CPNE4: variants seen among roughly 807,000 people sequenced by gnomAD.
The protein encoded by CPNE4 is copine 4, also known as copine-4.
CPNE4 carries 25 observed loss-of-function variants against 67.9 expected under a neutral mutation model. The ratio of observed to expected loss-of-function variants is 0.37; its 90% confidence interval spans 0.27 to 0.51. CPNE4 has a LOEUF of 0.51. CPNE4 is among the 20% of genes least tolerant of loss of function. The pLI, the probability that CPNE4 is intolerant of heterozygous loss-of-function variation, is 0.93. For synonymous variants in CPNE4, 242 were observed against 244.9 expected, an observed-to-expected ratio of 0.99 and a Z score of 0.11; for missense variants, 464 against 690.8, an observed-to-expected ratio of 0.67 and a Z score of 3.68.
At chr3:131,709,860 C>T (rs1160320403) in intron 3 of CPNE4, among the ~76,000 whole-genome samples, 1 of 152,226 alleles carries the variant, frequency 6.6e-6, no homozygotes, top group African/African-American at 2.4e-5. Flanking sequence ...TTACATGGCT[C>T]ATGCCCACAC....
intron 2 of CPNE4, among the ~76,000 whole-genome samples, chr3:131,825,450 T>C (rs113237342): frequency 0.032 from 4,722 of 149,494 alleles, 171 homozygotes; most frequent in South Asian, 0.094. Flanking sequence ...GCTGATATCA[T>C]GCCGCTGCAC....
intron 6 of CPNE4, among the ~76,000 whole-genome samples, chr3:131,673,267 T>C (rs2080471063): frequency 6.6e-6 from 1 of 152,090 alleles, no homozygotes; most frequent in African/African-American, 2.4e-5. Context: ...TCAGGTAATG[T>C]GATTCCTCCA....
At chr3:131,976,531 C>A (rs912869885) in intron 1 of CPNE4, among the ~76,000 whole-genome samples, 2 of 152,078 alleles carry the variant, frequency 1.3e-5, no homozygotes, top group Non-Finnish European at 1.5e-5. Flanking sequence ...AGAAAACAAG[C>A]CTTCTCCTGG....
chr3:131,695,115 C>T (rs2081120670), intron 5 of CPNE4, among the ~76,000 whole-genome samples: 1 of 152,200 alleles, frequency 6.6e-6, no homozygotes. Flanking sequence ...TGCCCTCTTT[C>T]CATCTGAGAC....
chr3:131,882,721 C>CTTTT (rs1170426872), intron 2 of CPNE4, among the ~76,000 whole-genome samples: 1 of 113,564 alleles, frequency 8.8e-6, no homozygotes. Flanking sequence ...CAGTTCTGCT[C>CTTTT]TATTTTTTTT....
intron 1 of CPNE4, among the ~76,000 whole-genome samples, chr3:131,957,584 G>A (rs1341791539): frequency 6.6e-6 from 1 of 152,156 alleles, no homozygotes; most frequent in East Asian, 1.9e-4. Context: ...ATTCCACAAT[G>A]GCAAAACAAT....
At chr3:131,548,007 A>G (rs1251340296) in intron 14 of CPNE4, among the ~76,000 whole-genome samples, 1 of 152,084 alleles carries the variant, frequency 6.6e-6, no homozygotes, top group Non-Finnish European at 1.5e-5. Flanking sequence ...TCACTCAATG[A>G]CCCAAGCCCG....
At chr3:131,731,856 A>G (rs1021629964) in intron 2 of CPNE4, among the ~76,000 whole-genome samples, 4 of 152,200 alleles carry the variant, frequency 2.6e-5, no homozygotes, top group African/African-American at 9.7e-5. Flanking sequence ...ATACACACAC[A>G]TTTAATTGGC....
intron 1 of CPNE4, among the ~76,000 whole-genome samples, chr3:132,012,935 T>C (rs974385225): frequency 6.6e-6 from 1 of 152,104 alleles, no homozygotes; most frequent in Non-Finnish European, 1.5e-5. Flanking sequence ...AGAATTCATG[T>C]ATCTTGGCTG....
At chr3:131,901,821 C>A (rs2088563514) in intron 2 of CPNE4, among the ~76,000 whole-genome samples, 3 of 151,676 alleles carry the variant, frequency 2.0e-5, no homozygotes, top group Non-Finnish European at 2.9e-5. Context: ...AGGAGAGAAC[C>A]CTTAATTTGA....
chr3:131,942,605 T>A (rs1203969302), intron 1 of CPNE4, among the ~76,000 whole-genome samples: 1 of 152,024 alleles, frequency 6.6e-6, no homozygotes, highest in Non-Finnish European at 1.5e-5. Context: ...GCAGCTCTTA[T>A]CTTTCACCTT....
chr3:131,774,269 C>T (rs913515069), intron 2 of CPNE4, among the ~76,000 whole-genome samples: 3 of 150,180 alleles, frequency 2.0e-5, no homozygotes, highest in Admixed American at 6.7e-5. Flanking sequence ...TAGTTCCAGC[C>T]AAAAATACAG....
chr3:131,887,674 G>C (rs566761746), intron 2 of CPNE4, among the ~76,000 whole-genome samples: 1 of 152,108 alleles, frequency 6.6e-6, no homozygotes, highest in African/African-American at 2.4e-5. Context: ...AATGTTCAGG[G>C]TAGAAAGTCC....
At chr3:131,715,373 C>T (rs1454415184) in intron 3 of CPNE4, among the ~76,000 whole-genome samples, 1 of 152,216 alleles carries the variant, frequency 6.6e-6, no homozygotes, top group South Asian at 2.1e-4. Context: ...CAAAAACTAG[C>T]CAGGTCAACT....
At chr3:131,900,001 C>T (rs2107762847) in intron 2 of CPNE4, among the ~76,000 whole-genome samples, 1 of 152,118 alleles carries the variant, frequency 6.6e-6, no homozygotes, top group Non-Finnish European at 1.5e-5. Flanking sequence ...CCCTTCTGTG[C>T]TGCTAACAGG....
At chr3:131,719,076 G>A (rs1432040288) in intron 3 of CPNE4, among the ~76,000 whole-genome samples, 1 of 152,220 alleles carries the variant, frequency 6.6e-6, no homozygotes, top group African/African-American at 2.4e-5. Flanking sequence ...GATATCCAGA[G>A]AGGCCAGCAT....
chr3:131,925,352 T>C (rs1365610443), intron 1 of CPNE4, among the ~76,000 whole-genome samples: 1 of 152,114 alleles, frequency 6.6e-6, no homozygotes, highest in African/African-American at 2.4e-5. Flanking sequence ...CTCAATGCTC[T>C]CCTAACACCC....
chr3:131,771,764 T>C (rs542155496), intron 2 of CPNE4, among the ~76,000 whole-genome samples: 178 of 152,282 alleles, frequency 1.2e-3, no homozygotes, highest in Non-Finnish European at 1.8e-3. Flanking sequence ...GAAATTTGGA[T>C]GCAGAATCCA....
At chr3:131,947,568 A>G (rs955641788) in intron 1 of CPNE4, among the ~76,000 whole-genome samples, 3 of 152,134 alleles carry the variant, frequency 2.0e-5, no homozygotes, top group Admixed American at 1.3e-4. Context: ...ACATGAACTC[A>G]TTATTTTTTA....
Sources: gnomAD v4.1 joint callset for allele counts (sites outside exome capture counted in the v4.1 genomes callset) on GRCh38, gnomAD v4.1.1 for gene constraint, MANE v1.5 for transcripts, NCBI Gene and HGNC (gene_info 2026-07-23, HGNC 2026-07-21) for gene names.